SMAD9: variants seen among roughly 807,000 people sequenced by gnomAD.
SMAD9 encodes SMAD family member 9.
SMAD9 carries 36 observed loss-of-function variants against 46.1 expected under a neutral mutation model. The observed-to-expected ratio is 0.78, with a 90% CI of 0.60 to 1.03. The LOEUF is 1.03. Among genes scored for constraint, SMAD9 ranks in the 50% least tolerant of loss-of-function variants. SMAD9 has a pLI of 0.00. For synonymous variants in SMAD9, 245 were observed against 237.1 expected (o/e 1.03, Z -0.31); for missense variants, 572 against 599.8 (o/e 0.95, Z 0.48).
intron 1 of SMAD9, among the ~76,000 whole-genome samples, chr13:36,886,179 G>T (rs1018881000): frequency 3.3e-5 from 5 of 152,196 alleles, no homozygotes; most frequent in African/African-American, 9.6e-5. Context: ...TCTTGTAAAG[G>T]TCACACCACT....
intron 1 of SMAD9, among the ~76,000 whole-genome samples, chr13:36,916,342 T>C (rs981311635): frequency 6.6e-6 from 1 of 152,218 alleles, no homozygotes; most frequent in East Asian, 1.9e-4. Flanking sequence ...TATGGAAAAC[T>C]GCTAATGCAA....
intron 5 of SMAD9, among the ~76,000 whole-genome samples, chr13:36,855,735 T>C (rs1397217180): frequency 6.6e-6 from 1 of 152,222 alleles, no homozygotes; most frequent in Admixed American, 6.5e-5. Context: ...TTCTGCATTA[T>C]ATGTGATTAC....
At chr13:36,900,694 C>CACACACACACACAA (rs2058567705) in intron 1 of SMAD9, among the ~76,000 whole-genome samples, 1 of 131,724 alleles carries the variant, frequency 7.6e-6, no homozygotes, top group Non-Finnish European at 1.5e-5. Flanking sequence ...TACACACACA[C>CACACACACACACAA]ACACACACAC....
intron 1 of SMAD9, among the ~76,000 whole-genome samples, chr13:36,907,576 G>T (rs543452157): frequency 6.6e-6 from 1 of 152,174 alleles, no homozygotes; most frequent in Non-Finnish European, 1.5e-5. Flanking sequence ...TCAGGAGGCT[G>T]AGGCAAGAGG....
intron 3 of SMAD9, among the ~76,000 whole-genome samples, chr13:36,869,568 C>T (rs956483839): frequency 6.6e-6 from 1 of 152,048 alleles, no homozygotes. Flanking sequence ...TGCAGTGGAG[C>T]ATGCCTATAA....
At chr13:36,918,821 G>A (rs2058718373) in intron 1 of SMAD9, among the ~76,000 whole-genome samples, 1 of 152,212 alleles carries the variant, frequency 6.6e-6, no homozygotes, top group Non-Finnish European at 1.5e-5. Flanking sequence ...TAAGGCAGGA[G>A]ACATGCTTGT....
In SMAD9 at chr13:36,848,645, T is replaced by A. The variant is rs2058050988; in HGVS notation, c.*31A>T. 1 of 1,610,122 alleles carries A rather than the reference T, an allele frequency of 6.2e-7. No individual in the cohort carries two copies. The highest frequency in any genetic ancestry group is 2.2e-5 in the East Asian group (1 of 44,880). Reference sequence around the variant, plus strand: ...AAGCCACTCCCTGCAATAGCCTCTATCCTATGGAAATGCAGCTTAAGACAT... The same window carrying A: ...AAGCCACTCCCTGCAATAGCCTCTAACCTATGGAAATGCAGCTTAAGACAT... On this transcript the variant is annotated 3_prime_UTR_variant, in exon 7 of 7. Transcript: ENST00000379826.
intron 4 of SMAD9, among the ~76,000 whole-genome samples, chr13:36,866,986 T>C (rs2138392072): frequency 6.6e-6 from 1 of 152,316 alleles, no homozygotes; most frequent in Non-Finnish European, 1.5e-5. Flanking sequence ...ATCCCTAACT[T>C]CTTGAGTTCC....
In SMAD9 at chr13:36,918,551, G is replaced by A. The variant is rs150420952; in HGVS notation, c.-187+1565C>T. The stretch of plus-strand genomic sequence containing the variant: ...CAGTACTTGAAATTGCTGTCATCTT[G>A]TATTTAAAATGCTCCTTATTTATAA... On this transcript the variant is annotated intron_variant, in intron 1 of 6. Coordinates refer to ENST00000379826, the MANE Select transcript of SMAD9 (RefSeq NM_001127217.3). Among the ~76,000 whole-genome samples, 77 of 152,310 alleles carry A rather than the reference G, an allele frequency of 5.1e-4. 1 individual carries two copies. The highest frequency in any genetic ancestry group is 1.7e-3 in the African/African-American group (70 of 41,558).
In SMAD9 at chr13:36,857,006, G is replaced by A. The variant is rs1484049217; in HGVS notation, c.1004-3331C>T. On this transcript the variant is annotated intron_variant, in intron 5 of 6. Coordinates refer to ENST00000379826, the MANE Select transcript of SMAD9 (RefSeq NM_001127217.3). ...TTTAGTAGAGATGGTGTTTTGCCAT[G>A]TTGGGCAGGCTGGTCTCGAACTCCT... 3.9e-5 allele frequency among the ~76,000 whole-genome samples: 6 copies of A among 152,032 alleles called. No individual in the cohort carries two copies. In the East Asian group the frequency reaches 9.7e-4, roughly 25 times the overall value.
chr13:36,896,598 T>C (rs142326223), intron 1 of SMAD9, among the ~76,000 whole-genome samples: 359 of 152,284 alleles, frequency 2.4e-3, no homozygotes, highest in Non-Finnish European at 4.0e-3. Flanking sequence ...TGTAGCATGC[T>C]TGTAAATGCT....
At chr13:36,883,942 A>C (rs2058424554) in intron 1 of SMAD9, among the ~76,000 whole-genome samples, 1 of 152,084 alleles carries the variant, frequency 6.6e-6, no homozygotes, top group Admixed American at 6.6e-5. Context: ...TTGCAGATCA[A>C]GACAAGGCTC....
intron 1 of SMAD9, among the ~76,000 whole-genome samples, chr13:36,916,366 G>A: frequency 6.6e-6 from 1 of 152,184 alleles, no homozygotes; most frequent in East Asian, 1.9e-4. Context: ...GAGTATCATA[G>A]AAGCTTTTCC....
At chr13:36,850,590 G>T (rs915194562) in intron 6 of SMAD9, among the ~76,000 whole-genome samples, 1 of 152,000 alleles carries the variant, frequency 6.6e-6, no homozygotes, top group African/African-American at 2.4e-5. Flanking sequence ...TGTTGGCCAG[G>T]CTAGTCTTGA....
At chr13:36,868,905 T>C (rs1037586881) in intron 3 of SMAD9, among the ~76,000 whole-genome samples, 6 of 152,208 alleles carry the variant, frequency 3.9e-5, no homozygotes, top group Non-Finnish European at 8.8e-5. Context: ...TTTTAAAATG[T>C]GGTATAGCCA....
intron 3 of SMAD9, among the ~76,000 whole-genome samples, chr13:36,869,413 G>C (rs985970294): frequency 6.6e-6 from 1 of 151,912 alleles, no homozygotes; most frequent in Non-Finnish European, 1.5e-5. Flanking sequence ...GTAGAGACAG[G>C]GTTTCACCAT....
intron 1 of SMAD9, among the ~76,000 whole-genome samples, chr13:36,892,104 T>C (rs1285880630): frequency 3.3e-5 from 5 of 152,146 alleles, no homozygotes; most frequent in Admixed American, 6.5e-5. Context: ...GAAATGTACA[T>C]AAAATGGTAT....
chr13:36,901,535 C>T (rs988170594), intron 1 of SMAD9, among the ~76,000 whole-genome samples: 5 of 151,558 alleles, frequency 3.3e-5, no homozygotes, highest in Non-Finnish European at 4.4e-5. Context: ...TCAAGTGATT[C>T]TCCTGCCTCA....
At chr13:36,882,596 G>A (rs73175016) in intron 1 of SMAD9, among the ~76,000 whole-genome samples, 9,446 of 152,188 alleles carry the variant, frequency 0.062, 385 homozygotes, top group East Asian at 0.14. Context: ...ATTAAACACA[G>A]GCCCTTGCAT....
Sources: gnomAD v4.1 joint callset for allele counts (sites outside exome capture counted in the v4.1 genomes callset) on GRCh38, gnomAD v4.1.1 for gene constraint, MANE v1.5 for transcripts, NCBI Gene and HGNC (gene_info 2026-07-23, HGNC 2026-07-21) for gene names.